Variants in TM7SF3 observed in about 807,000 individuals in gnomAD.
TM7SF3 encodes seven span transmembrane protein.
TM7SF3 carries 60 observed loss-of-function variants against 65.5 expected under a neutral mutation model. The observed-to-expected ratio is 0.92, with a 90% CI of 0.74 to 1.14. TM7SF3 has a LOEUF of 1.14. TM7SF3 is among the 50% of genes most tolerant of loss of function. The pLI is 0.00. For missense variants in TM7SF3, 623 were observed against 684.8 expected (o/e 0.91, Z 1.01); for synonymous variants, 264 against 259.6 (o/e 1.02, Z -0.16).
intron 5 of TM7SF3, among the ~76,000 whole-genome samples, chr12:26,994,108 T>C (rs1307189230): frequency 6.6e-6 from 1 of 152,138 alleles, no homozygotes; most frequent in Non-Finnish European, 1.5e-5. Flanking sequence ...AAAAAGCCTA[T>C]TATACAAGTT....
rs368445705 is a variant in TM7SF3, at chr12:26,976,277, T to C, written c.1270A>G (p.Met424Val). ...CIAILIPVVF[M>V]GCLRILNILT... is the part of the protein sequence containing the mutation. Reference sequence around the variant, plus strand: ...ACACTTACTATTCTTAGGCAGCCCATGAAAACTACTGGAATGAGGATAGCT... The same window carrying C: ...ACACTTACTATTCTTAGGCAGCCCACGAAAACTACTGGAATGAGGATAGCT... Residue 424 changes from methionine (M) to valine (V), a missense_variant, in exon 10 of 12, where the codon ATG (methionine) becomes GTG (valine). Transcript: ENST00000343028. 2.5e-6 allele frequency: 4 copies of C among 1,612,738 alleles called. No homozygotes were observed. The highest frequency in any genetic ancestry group is 1.7e-5 in the Admixed American group (1 of 60,012).
chr12:26,979,651 C>T, intron 9 of TM7SF3, 133 bp downstream of exon 9: 2 of 978,758 alleles, frequency 2.0e-6, no homozygotes, highest in South Asian at 1.6e-5. Flanking sequence ...GAAAGTGTCA[C>T]ACCATCAATG....
intron 6 of TM7SF3, among the ~76,000 whole-genome samples, chr12:26,986,079 T>C (rs1214165390): frequency 2.6e-5 from 4 of 151,684 alleles, no homozygotes; most frequent in Admixed American, 1.3e-4. Flanking sequence ...CCGCCCGCCT[T>C]GGCCTCCCAA....
At chr12:26,982,215 T>G (rs538413159) in intron 7 of TM7SF3, among the ~76,000 whole-genome samples, 8 of 152,122 alleles carry the variant, frequency 5.3e-5, no homozygotes, top group Non-Finnish European at 1.2e-4. Context: ...TTTGTATTTT[T>G]TGGAGAAACA....
At chr12:26,997,823 CT>C (rs3071165) in intron 3 of TM7SF3, among the ~76,000 whole-genome samples, 28,995 of 113,550 alleles carry the variant, frequency 0.26, 2,722 homozygotes, top group East Asian at 0.58. Flanking sequence ...TTACCACTTC[CT>C]TTTTTTTTTT....
chr12:26,973,232 G>C lies in TM7SF3; in HGVS notation c.*733C>G, dbSNP rs959668665. The C allele has an allele frequency of 6.6e-6, 1 of 151,260 alleles. No individual in the cohort carries two copies. Among genetic ancestry groups the C allele is most frequent in the Non-Finnish European group, 1.5e-5 (1 of 67,928 alleles). 9.4% of individuals were successfully genotyped at this position (151,260 alleles called of 1,614,324 possible). ...TCTCTGTCACCCAAGCTGGAGTGCA[G>C]TGACACAATCAAGGCTCACTGTAGC... On this transcript the variant is annotated 3_prime_UTR_variant, in exon 12 of 12. Coordinates refer to ENST00000343028, the MANE Select transcript of TM7SF3 (RefSeq NM_016551.3).
chr12:27,003,108 T>C (rs1000535508), intron 2 of TM7SF3, 128 bp downstream of exon 2: 36 of 713,910 alleles, frequency 5.0e-5, no homozygotes, highest in Non-Finnish European at 7.9e-5. Context: ...TATCTTGATT[T>C]TTTAAAATTT....
rs779189556 is a variant in TM7SF3 at position 26,973,090 on chromosome 12, AAAAC to A, written c.*871_*874del. 2 of 152,316 alleles carry A rather than the reference AAAAC, an allele frequency of 1.3e-5. No individual in the cohort carries two copies. The highest frequency in any genetic ancestry group is 2.1e-4 in the South Asian group (1 of 4,830). 9.4% of individuals were successfully genotyped at this position (152,316 alleles called of 1,614,324 possible). On this transcript the variant is annotated 3_prime_UTR_variant, in exon 12 of 12. Transcript: ENST00000343028. Reference sequence around the variant, plus strand: ...AAAAATTTTAAAAAATACTGAAAAAAAAACAAAGGGTAACTTTTGGATAATGTAT... The same window carrying A: ...AAAAATTTTAAAAAATACTGAAAAAAAAAGGGTAACTTTTGGATAATGTAT...
At chr12:26,985,809 T>A (rs1305241948) in intron 6 of TM7SF3, among the ~76,000 whole-genome samples, 1 of 56,324 alleles carries the variant, frequency 1.8e-5, no homozygotes, top group Admixed American at 1.8e-4. Context: ...CTTTTTCGTT[T>A]TTTTTTTTTT....
chr12:26,975,698 G>C (rs1939535922), intron 10 of TM7SF3, 40 bp from the exon 11 acceptor site: 2 of 1,602,502 alleles, frequency 1.2e-6, no homozygotes, highest in Non-Finnish European at 1.7e-6. Flanking sequence ...ATCCATGTTA[G>C]AACAAAAATA....
At chr12:26,999,876 A>C (rs1227442493) in intron 2 of TM7SF3, 200 bp from the exon 3 acceptor site, 13 of 529,194 alleles carry the variant, frequency 2.5e-5, no homozygotes, top group Non-Finnish European at 3.7e-5. Context: ...TTCTTGAAAA[A>C]TATACGATTG....
intron 9 of TM7SF3, 55 bp downstream of exon 9, chr12:26,979,729 G>A: frequency 1.3e-6 from 2 of 1,587,614 alleles, no homozygotes; most frequent in Non-Finnish European, 1.7e-6. Context: ...AATCCAATTA[G>A]GCAGTATTCA....
intron 2 of TM7SF3, 83 bp downstream of exon 2, chr12:27,003,153 A>G (rs2136441867): frequency 3.3e-6 from 3 of 914,628 alleles, no homozygotes; most frequent in African/African-American, 1.7e-5. Context: ...AGAGATAGAG[A>G]TATCAAATTC....
Position 26,971,804 on chromosome 12 carries a change from T to C in TM7SF3, c.*2161A>G, listed in dbSNP as rs1237524166. On this transcript the variant is annotated 3_prime_UTR_variant, in exon 12 of 12. Transcript: ENST00000343028. ...AAAACTTTTCATCAAGTTTCAGTGT[T>C]ACTGAAGTTAATTATAGACAGTAAG... The C allele has an allele frequency of 1.3e-5, 2 of 152,230 alleles. No homozygotes were observed. Among genetic ancestry groups the C allele is most frequent in the Non-Finnish European group, 2.9e-5 (2 of 68,040 alleles). 9.4% of individuals were successfully genotyped at this position (152,230 alleles called of 1,614,324 possible).
chr12:26,990,961 T>C (rs1204742793), intron 5 of TM7SF3, among the ~76,000 whole-genome samples: 1 of 152,202 alleles, frequency 6.6e-6, no homozygotes, highest in East Asian at 1.9e-4. Context: ...GTATTTCTCT[T>C]GTGCACTGCT....
At chr12:26,979,398 GT>G in intron 9 of TM7SF3, 1 of 186,198 alleles carries the variant, frequency 5.4e-6, no homozygotes, top group Non-Finnish European at 1.1e-5. Context: ...GACACCTGGG[GT>G]TTGGCAGCGG....
chr12:27,009,850 C>T (rs1447653408), intron 1 of TM7SF3, among the ~76,000 whole-genome samples: 1 of 150,534 alleles, frequency 6.6e-6, no homozygotes, highest in Non-Finnish European at 1.5e-5. Flanking sequence ...GTATTTTTTT[C>T]CCAGTCTTAG....
intron 5 of TM7SF3, among the ~76,000 whole-genome samples, chr12:26,994,163 C>A (rs182324689): frequency 4.6e-5 from 7 of 152,182 alleles, no homozygotes; most frequent in Non-Finnish European, 7.3e-5. Flanking sequence ...AATGTCATAT[C>A]TAATAAAGCA....
intron 1 of TM7SF3, among the ~76,000 whole-genome samples, chr12:27,004,345 G>C (rs1001658975): frequency 2.0e-5 from 3 of 152,118 alleles, no homozygotes; most frequent in Admixed American, 6.5e-5. Context: ...TTTCACATAA[G>C]CAGTCTTGGG....
Sources: allele counts gnomAD v4.1 joint callset (sites outside exome capture counted in the v4.1 genomes callset), GRCh38; gene constraint gnomAD v4.1.1; transcripts MANE v1.5; gene names NCBI Gene and HGNC (gene_info 2026-07-23, HGNC 2026-07-21).